CERT1: variants seen among roughly 807,000 people sequenced by gnomAD.
CERT1 encodes ceramide transfer protein.
CERT1 carries 31 observed loss-of-function variants against 87.9 expected under a neutral mutation model. The ratio of observed to expected loss-of-function variants is 0.35; its 90% CI spans 0.27 to 0.48. The LOEUF (loss-of-function observed/expected upper bound fraction) is 0.48, where lower values mean the gene tolerates loss of function less well. Ranked by LOEUF, CERT1 falls within the 20% of genes least tolerant of loss-of-function variation. The probability of loss-of-function intolerance (pLI) is 0.99; values close to 1 mark genes in which losing one functional copy is unlikely to be tolerated. For missense variants in CERT1, 487 were observed against 758.0 expected (o/e 0.64, Z 4.20); for synonymous variants, 289 against 250.9 (o/e 1.15, Z -1.44).
Position 75,381,289 on chromosome 5 carries a change from G to GT in CERT1, c.1618-89dup, listed in dbSNP as rs1168658307. The GT allele has an allele frequency of 2.8e-6, 4 of 1,437,318 alleles. No homozygotes were observed. The African/African-American group carries it at 4.2e-5, about 15-fold the overall frequency. The allele number at this position is 1,437,318 out of a possible 1,614,324, so 89.0% of individuals were successfully genotyped here. On this transcript the variant is annotated intron_variant, in intron 15 of 16. Coordinates refer to ENST00000643780, the MANE Select transcript of CERT1 (RefSeq NM_001379029.1). ...ATATTATATTAGGTTAACCAAAATC[G>GT]TAACTCTTAAAAGTATCTCCAGTGA...
chr5:75,382,414 A>C (rs779190318), intron 14 of CERT1, among the ~76,000 whole-genome samples: 1 of 152,172 alleles, frequency 6.6e-6, no homozygotes, highest in African/African-American at 2.4e-5. Context: ...TCATCATCCC[A>C]AACAGAAACT....
At chr5:75,487,982 T>C (rs949292107) in intron 2 of CERT1, among the ~76,000 whole-genome samples, 7 of 152,060 alleles carry the variant, frequency 4.6e-5, no homozygotes, top group Non-Finnish European at 1.0e-4. Context: ...ATGTTCTTAC[T>C]AATTTGTGTG....
Position 75,411,035 on chromosome 5 carries a change from G to C in CERT1, c.906C>G (p.Ser302=). 6.3e-7 allele frequency: 1 copy of C among 1,586,202 alleles called. No individual in the cohort carries two copies. Among genetic ancestry groups the C allele is most frequent in the South Asian group, 1.1e-5 (1 of 87,386 alleles). The part of the protein sequence containing the change: ...KNAMTELKKK[S]HFGGPDYEEG... ...CTTCATAATCTGGTCCTCCAAAGTG[G>C]GATTTTTTCTTAAGTTCTGTCATTG... is the stretch of plus-strand genomic sequence containing the variant. The change falls in exon 8 of 17, where the codon TCC becomes TCG. Residue 302 remains serine (S), a synonymous_variant. Coordinates refer to ENST00000643780, the MANE Select transcript of CERT1 (RefSeq NM_001379029.1).
chr5:75,469,320 T>C (rs892653508), intron 2 of CERT1, among the ~76,000 whole-genome samples: 1 of 152,126 alleles, frequency 6.6e-6, no homozygotes. Context: ...ATTTATGAGA[T>C]AGCATTAAAA....
At chr5:75,439,580 T>C (rs1313990417) in intron 3 of CERT1, among the ~76,000 whole-genome samples, 1 of 151,962 alleles carries the variant, frequency 6.6e-6, no homozygotes, top group Admixed American at 6.6e-5. Context: ...TTATGGAAAA[T>C]GAGAAAATAC....
rs201155501 is a variant in CERT1 at position 75,473,078 on chromosome 5, A to AT, written c.232-13898dup. 2.1e-3 allele frequency among the ~76,000 whole-genome samples: 316 copies of AT among 152,074 alleles called. No individual in the cohort carries two copies. The East Asian group carries it at 0.027, about 13-fold the overall frequency. ...GAACACAATGGAATACTACGCAGCC[A>AT]TTTTTTTGTTGTTTTTTTAAGACAC... On this transcript the variant is annotated intron_variant, in intron 2 of 16. Transcript: ENST00000643780.
rs181728687 is a variant in CERT1, at chr5:75,407,490, A to T, written c.930+3521T>A. On this transcript the variant is annotated intron_variant, in intron 8 of 16. Coordinates refer to ENST00000643780, the MANE Select transcript of CERT1 (RefSeq NM_001379029.1). ...AAAAAATTAAAAAAAAAAAAAGGCA[A>T]ATTCTATACATCTTCTAAATCAATA... is the stretch of plus-strand genomic sequence containing the variant. Among the ~76,000 whole-genome samples the T allele has an allele frequency of 8.3e-3, 1,265 of 151,856 alleles. 8 individuals carry two copies. Among genetic ancestry groups the T allele is most frequent in the South Asian group, 0.022 (106 of 4,818 alleles).
At chr5:75,507,803 G>A (rs1424230437) in intron 1 of CERT1, among the ~76,000 whole-genome samples, 1 of 152,096 alleles carries the variant, frequency 6.6e-6, no homozygotes, top group Non-Finnish European at 1.5e-5. Context: ...ATAAAATAAT[G>A]AAAATGCCTA....
intron 11 of CERT1, among the ~76,000 whole-genome samples, chr5:75,395,667 G>GCCTGGCTAACATGGTGAAAC (rs1453697363): frequency 1.3e-5 from 2 of 151,396 alleles, no homozygotes; most frequent in African/African-American, 4.9e-5. Flanking sequence ...TTCGAGACCA[G>GCCTGGCTAACATGGTGAAAC]CCTGGCTAAC....
intron 11 of CERT1, among the ~76,000 whole-genome samples, chr5:75,393,748 G>A (rs565988183): frequency 9.2e-5 from 14 of 151,454 alleles, no homozygotes; most frequent in East Asian, 2.0e-4. Flanking sequence ...CGCGGACCAC[G>A]AGGTCAAGAG....
chr5:75,459,389 G>A (rs1233207959), intron 2 of CERT1, among the ~76,000 whole-genome samples: 2 of 152,168 alleles, frequency 1.3e-5, no homozygotes, highest in Non-Finnish European at 2.9e-5. Flanking sequence ...TCTTACAAAT[G>A]AGTTGTCACA....
At chr5:75,398,514 T>A (rs547734224) in intron 11 of CERT1, among the ~76,000 whole-genome samples, 21 of 152,246 alleles carry the variant, frequency 1.4e-4, no homozygotes, top group African/African-American at 5.1e-4. Flanking sequence ...CTCAGGTCTT[T>A]AATATAAGAT....
intron 2 of CERT1, among the ~76,000 whole-genome samples, chr5:75,491,402 T>C (rs748414867): frequency 6.6e-6 from 1 of 152,206 alleles, no homozygotes; most frequent in Non-Finnish European, 1.5e-5. Flanking sequence ...AGTGTGTCTC[T>C]TTAAATCACA....
intron 2 of CERT1, among the ~76,000 whole-genome samples, chr5:75,479,544 T>C (rs1227608544): frequency 1.3e-5 from 2 of 152,144 alleles, no homozygotes; most frequent in Non-Finnish European, 2.9e-5. Flanking sequence ...TGAGAACATG[T>C]GGTACTCTTC....
intron 2 of CERT1, among the ~76,000 whole-genome samples, chr5:75,464,254 G>C (rs1765360891): frequency 6.6e-6 from 1 of 152,080 alleles, no homozygotes; most frequent in African/African-American, 2.4e-5. Context: ...AGAGGTTAAG[G>C]CATGGATGGA....
At chr5:75,374,548 G>A, downstream of CERT1, 2 of 715,810 alleles carry the variant, frequency 2.8e-6, no homozygotes, top group East Asian at 5.4e-5. Flanking sequence ...CGTGCCTGAT[G>A]CGTGCCCAAG....
chr5:75,464,658 C>A (rs537770915), intron 2 of CERT1, among the ~76,000 whole-genome samples: 1 of 152,274 alleles, frequency 6.6e-6, no homozygotes, highest in African/African-American at 2.4e-5. Flanking sequence ...TCACTGCAAC[C>A]TCTGCCTCCT....
In CERT1 at chr5:75,379,435, C is replaced by T. The variant is rs1285170698; in HGVS notation, c.1786G>A (p.Ala596Thr). Residue 596 changes from alanine (A) to threonine (T), a missense_variant, in exon 17 of 17, where the codon GCA becomes ACA. Around this residue, in one of 8 missense-constraint regions of CERT1, gnomAD observed 33 missense variants for 64.4 expected, o/e 0.51. Coordinates refer to ENST00000643780, the MANE Select transcript of CERT1 (RefSeq NM_001379029.1). ...GGWAPASVLRAVAKREYPKFL... is the reference protein window; with the variant it reads ...GGWAPASVLRTVAKREYPKFL... Reference sequence around the variant, plus strand: ...TTAGGATACTCTCGCTTTGCCACTGCCCTTAACACTGAGGCTGGTGCCCAT... The same window carrying T: ...TTAGGATACTCTCGCTTTGCCACTGTCCTTAACACTGAGGCTGGTGCCCAT... The T allele has an allele frequency of 1.2e-6, 2 of 1,613,878 alleles. No individual in the cohort carries two copies. Among genetic ancestry groups the T allele is most frequent in the South Asian group, 2.2e-5 (2 of 91,082 alleles).
intron 2 of CERT1, among the ~76,000 whole-genome samples, chr5:75,475,514 C>T (rs1055512847): frequency 1.3e-5 from 2 of 151,952 alleles, no homozygotes; most frequent in African/African-American, 4.8e-5. Context: ...TTTTCTTTTC[C>T]CCTCAAGATC....
Sources: gnomAD v4.1 joint callset for allele counts (sites outside exome capture counted in the v4.1 genomes callset) on GRCh38, gnomAD v4.1.1 for gene constraint, gnomAD v4.1.1 regional missense constraint, MANE v1.5 for transcripts, NCBI Gene and HGNC (gene_info 2026-07-23, HGNC 2026-07-21) for gene names.